The following NOP14 variants were observed in gnomAD, a reference collection of about 807,000 sequenced individuals.
NOP14 encodes NOP14 nucleolar protein.
In NOP14, 57 loss-of-function variants were observed where a neutral mutation model predicts 101.6. The observed-to-expected ratio is 0.56, with a 90% CI of 0.45 to 0.70. NOP14 has a LOEUF of 0.70. NOP14 is among the 30% of genes least tolerant of loss of function. The pLI is 0.00. For synonymous variants in NOP14, 428 were observed against 424.0 expected (o/e 1.01, Z -0.12); for missense variants, 1,134 against 1,075.5 (o/e 1.05, Z -0.76).
At chr4:2,939,409 T>G in intron 16 of NOP14, 66 bp from the exon 17 acceptor site, 2 of 1,608,412 alleles carry the variant, frequency 1.2e-6, no homozygotes, top group Non-Finnish European at 1.7e-6. Flanking sequence ...AGAGCCTGCT[T>G]GGGAGTGTGG....
At chr4:2,949,602 C>G (rs1240888332) in intron 8 of NOP14, among the ~76,000 whole-genome samples, 2 of 152,172 alleles carry the variant, frequency 1.3e-5, no homozygotes, top group Non-Finnish European at 2.9e-5. Context: ...ACATGGAAGC[C>G]TTCTCGCAGA....
chr4:2,938,318 C>T lies in NOP14; in HGVS notation c.*513G>A, dbSNP rs183871667. The T allele has an allele frequency of 2.0e-3, 1,638 of 816,102 alleles. 12 individuals carry two copies. The African/African-American group carries it at 0.021, about 11-fold the overall frequency. 50.6% of individuals were successfully genotyped at this position (816,102 alleles called of 1,614,324 possible). On this transcript the variant is annotated 3_prime_UTR_variant, in exon 18 of 18. Transcript: ENST00000416614. ...GGTGGATTACCTGAGGTCGGGAATTCGAGACCAGCCTGACCAACATGGAGA... is the reference window on the plus strand; with the variant it reads ...GGTGGATTACCTGAGGTCGGGAATTTGAGACCAGCCTGACCAACATGGAGA...
At chr4:2,942,017 G>GA in intron 14 of NOP14, 175 bp downstream of exon 14, 1 of 668,742 alleles carries the variant, frequency 1.5e-6, no homozygotes, top group Admixed American at 3.0e-5. Flanking sequence ...TTTTGAAAAT[G>GA]AAAAGAAAAA....
Position 2,939,318 on chromosome 4 carries a change from T to A in NOP14, c.2344A>T (p.Ser782Cys), listed in dbSNP as rs114903437. ...KVLEFGRKQG[S>C]SKEEQERKRL... ...TTCCTTTCCTGTTCCTCCTTACTACTGCCTTGTTTTCTTCCAAACTCGAGG... is the reference window on the plus strand; with the variant it reads ...TTCCTTTCCTGTTCCTCCTTACTACAGCCTTGTTTTCTTCCAAACTCGAGG... Residue 782 changes from serine (S) to cysteine (C), a missense_variant, in exon 17 of 18, where the codon AGT (serine) becomes TGT (cysteine). Transcript: ENST00000416614. 3.7e-4 allele frequency: 599 copies of A among 1,614,088 alleles called. 5 individuals are homozygous for A. In the African/African-American group the frequency reaches 7.1e-3, roughly 19 times the overall value.
At chr4:2,962,853 A>G (rs912597679) in intron 1 of NOP14, among the ~76,000 whole-genome samples, 8 of 152,176 alleles carry the variant, frequency 5.3e-5, no homozygotes, top group African/African-American at 1.9e-4. Context: ...AGCTTGGTCC[A>G]GGGCGCCGCC....
chr4:2,939,076 C>T, intron 17 of NOP14, 112 bp downstream of exon 17: 1 of 1,533,440 alleles, frequency 6.5e-7, no homozygotes, highest in Admixed American at 1.7e-5. Flanking sequence ...GCTCCAACCC[C>T]CAGCCAGAGC....
chr4:2,954,577 G>A lies in NOP14; in HGVS notation c.473-14C>T, dbSNP rs774892835. ...CAGTCAGCTCAGCTGGGGGCAAAAGGCAGAAAACCCCACAGTGAAGCCCAG... is the reference window on the plus strand; with the variant it reads ...CAGTCAGCTCAGCTGGGGGCAAAAGACAGAAAACCCCACAGTGAAGCCCAG... On this transcript the variant is annotated splice_polypyrimidine_tract_variant and intron_variant, in intron 3 of 17. Coordinates refer to ENST00000416614, the MANE Select transcript of NOP14 (RefSeq NM_001291978.2). 1 of 1,613,050 alleles carries A rather than the reference G, an allele frequency of 6.2e-7. No individual in the cohort carries two copies. Among genetic ancestry groups the A allele is most frequent in the Non-Finnish European group, 8.5e-7 (1 of 1,179,654 alleles).
At chr4:2,943,121 C>T (rs1171383195) in intron 13 of NOP14, among the ~76,000 whole-genome samples, 3 of 152,192 alleles carry the variant, frequency 2.0e-5, no homozygotes, top group Non-Finnish European at 2.9e-5. Flanking sequence ...TGTGGGCGGC[C>T]GCGCCCCTCT....
Position 2,938,590 on chromosome 4 carries a change from C to G in NOP14, c.*241G>C, listed in dbSNP as rs530829689. On this transcript the variant is annotated 3_prime_UTR_variant, in exon 18 of 18. Transcript: ENST00000416614. ...GTGGCTCAATCACGGCTCACTGTAA[C>G]CTTGGACTCAGCTCAAGCAGTCCTC... is the stretch of plus-strand genomic sequence containing the variant. 5.7e-6 allele frequency: 3 copies of G among 522,390 alleles called. No homozygotes were observed. The highest frequency in any genetic ancestry group is 7.0e-5 in the East Asian group (2 of 28,500). The allele number at this position is 522,390 out of a possible 1,614,324, so 32.4% of individuals were successfully genotyped here.
intron 9 of NOP14, 150 bp from the exon 10 acceptor site, chr4:2,947,761 G>A: frequency 1.5e-6 from 1 of 659,022 alleles, no homozygotes; most frequent in Non-Finnish European, 2.7e-6. Flanking sequence ...CTTCTAAAAT[G>A]TAAGCAAATA....
In NOP14 at chr4:2,939,350, C is replaced by G. The variant is rs1713951638; in HGVS notation, c.2319-7G>C. 1.2e-6 allele frequency: 2 copies of G among 1,614,048 alleles called. No homozygotes were observed. Among genetic ancestry groups the G allele is most frequent in the Middle Eastern group, 3.3e-4 (2 of 6,060 alleles). ...TTTTCTTCCAAACTCGAGGCTACAACCAGAAAGCCACTGTTAAGGAAGCAA... is the reference window on the plus strand; with the variant it reads ...TTTTCTTCCAAACTCGAGGCTACAAGCAGAAAGCCACTGTTAAGGAAGCAA... On this transcript the variant is annotated splice_region_variant and splice_polypyrimidine_tract_variant and intron_variant, in intron 16 of 17. Transcript: ENST00000416614.
Position 2,947,604 on chromosome 4 carries a change from A to G in NOP14, c.1421T>C (p.Phe474Ser), listed in dbSNP as rs1714743867. 1 of 1,613,550 alleles carries G rather than the reference A, an allele frequency of 6.2e-7. No homozygotes were observed. The highest frequency in any genetic ancestry group is 1.3e-5 in the African/African-American group (1 of 74,926). The change falls in exon 10 of 18, where the codon TTT (phenylalanine) becomes TCT (serine). Residue 474 changes from phenylalanine to serine, a missense_variant. Transcript: ENST00000416614. ...EGNKAKLEKL[F>S]GFLLEYVGDL... is the part of the protein sequence containing the mutation. ...GCCAACGTATTCCAAAAGAAAGCCA[A>G]ACAGTTTCTGCAGGAACATGAATTG...
At position 2,963,179 on chromosome 4, in the gene NOP14, C is replaced by T. The variant is rs750685983; in HGVS notation, c.141G>A (p.Lys47=). Residue 47 remains lysine (K), a synonymous_variant, in exon 1 of 18, where the codon AAG becomes AAA. Coordinates refer to ENST00000416614, the MANE Select transcript of NOP14 (RefSeq NM_001291978.2). ...CGGGCAGTCCCACGTCGTGGCGCGT[C>T]TTCCGGCCCAGGATCTGGAACTTCT... ...NRQKFQILGR[K]TRHDVGLPGV... 5 of 1,581,024 alleles carry T rather than the reference C, an allele frequency of 3.2e-6. No individual in the cohort carries two copies. The highest frequency in any genetic ancestry group is 3.4e-6 in the Non-Finnish European group (4 of 1,166,192).
chr4:2,962,944 TTCCAGGTCAC>T (rs966320620), intron 1 of NOP14, among the ~76,000 whole-genome samples, 171 bp downstream of exon 1: 9 of 151,720 alleles, frequency 5.9e-5, no homozygotes, highest in African/African-American at 1.7e-4. Context: ...CGGCGAGAGT[TTCCAGGTCAC>T]TCCAGCTCAG....
intron 3 of NOP14, among the ~76,000 whole-genome samples, chr4:2,955,007 C>T (rs1385214927): frequency 6.6e-6 from 1 of 151,394 alleles, no homozygotes; most frequent in Non-Finnish European, 1.5e-5. Flanking sequence ...ACCTGCACGC[C>T]ACGGCGCCCC....
At position 2,948,292 on chromosome 4, in the gene NOP14, T is replaced by G. The variant is rs1334997117; in HGVS notation, c.1399A>C (p.Lys467Gln). 1.2e-6 allele frequency: 2 copies of G among 1,602,638 alleles called. No homozygotes were observed. The highest frequency in any genetic ancestry group is 2.7e-5 in the African/African-American group (2 of 73,912). Residue 467 changes from lysine (K) to glutamine (Q), a missense_variant, in exon 9 of 18, where the codon AAA (lysine) becomes CAA (glutamine). Physicochemically the swap from Lys to Gln is moderately conservative, Grantham distance 53 (BLOSUM62 1). Coordinates refer to ENST00000416614, the MANE Select transcript of NOP14 (RefSeq NM_001291978.2). ...CNHPSLAEGN[K>Q]AKLEKLFGFL... ...AATCCACGTACTTCTAATTTTGCTT[T>G]GTTTCCTTCTGCGAGACTCGGGTGG...
In NOP14 at chr4:2,944,148, G is replaced by A; in HGVS notation, c.1816C>T (p.Gln606Ter). The A allele has an allele frequency of 6.2e-7, 1 of 1,613,940 alleles. No individual in the cohort carries two copies. The highest frequency in any genetic ancestry group is 8.5e-7 in the Non-Finnish European group (1 of 1,179,868). The change falls in exon 13 of 18, where the codon CAG (glutamine) becomes TAG (stop). Residue 606 changes from glutamine (Q) to a stop codon, truncating the protein, a stop_gained. Coordinates refer to ENST00000416614, the MANE Select transcript of NOP14 (RefSeq NM_001291978.2). LOFTEE classifies it high-confidence loss of function. ...CLFLEYVALSQRFIPELINFL... is the reference protein window; with the variant it reads ...CLFLEYVALS ...TTAATAAGCTCAGGTATAAACCTCT[G>A]GGACAAAGCCACATACTCCAGGAAC...
At chr4:2,950,454 T>C (rs1314295108) in intron 7 of NOP14, 2 of 561,910 alleles carry the variant, frequency 3.6e-6, no homozygotes, top group East Asian at 3.0e-5. Flanking sequence ...CTGGGCGCGG[T>C]TCAGCTTTTG....
intron 1 of NOP14, among the ~76,000 whole-genome samples, chr4:2,958,007 C>G (rs1036986778): frequency 6.6e-6 from 1 of 152,192 alleles, no homozygotes; most frequent in Non-Finnish European, 1.5e-5. Context: ...AAAGAACACA[C>G]TAGTCAAGCT....
Sources: allele counts gnomAD v4.1 joint callset (sites outside exome capture counted in the v4.1 genomes callset), GRCh38; gene constraint gnomAD v4.1.1; transcripts MANE v1.5; gene names NCBI Gene and HGNC (gene_info 2026-07-23, HGNC 2026-07-21).